DENND2A: variants seen among roughly 807,000 people sequenced by gnomAD.
DENND2A encodes the protein DENN domain containing 2A.
A neutral mutation model predicts 105.3 loss-of-function variants in DENND2A; 53 were observed. The ratio of observed to expected loss-of-function variants is 0.50; its 90% CI spans 0.40 to 0.63. DENND2A has a LOEUF of 0.63. Among genes scored for constraint, DENND2A ranks in the 30% least tolerant of loss-of-function variants. DENND2A has a pLI of 0.00. For synonymous variants in DENND2A, 522 were observed against 508.4 expected (o/e 1.03, Z -0.36); for missense variants, 1,138 against 1,279.6 (o/e 0.89, Z 1.69).
chr7:140,616,777 T>C (rs1800098952), intron 1 of DENND2A, among the ~76,000 whole-genome samples: 1 of 152,104 alleles, frequency 6.6e-6, no homozygotes, highest in Admixed American at 6.5e-5. Flanking sequence ...TGGCCTAGAG[T>C]TGAATCATGG....
rs183768953 is a variant in DENND2A at position 140,529,425 on chromosome 7, C to T, written c.2328-1930G>A. ...ATCTAGAACTAGAAATACCATTTGA[C>T]CCAGCCATCCCATTACTGGGTATAT... On this transcript the variant is annotated intron_variant, in intron 14 of 19. Transcript: ENST00000496613. 5.2e-3 allele frequency among the ~76,000 whole-genome samples: 792 copies of T among 152,274 alleles called. 10 individuals carry two copies. The highest frequency in any genetic ancestry group is 0.018 in the African/African-American group (728 of 41,562).
Position 140,613,156 on chromosome 7 carries a change from G to A in DENND2A, c.-247-7350C>T, listed in dbSNP as rs537407900. On this transcript the variant is annotated intron_variant, in intron 1 of 19. Coordinates refer to ENST00000496613, the MANE Select transcript of DENND2A (RefSeq NM_015689.5). ...TTTAGCTGAGTACAGTGATGCAAGCGTGTAGTCCCTGCTACTGGAGGAGCT... is the reference window on the plus strand; with the variant it reads ...TTTAGCTGAGTACAGTGATGCAAGCATGTAGTCCCTGCTACTGGAGGAGCT... 1.6e-4 allele frequency among the ~76,000 whole-genome samples: 24 copies of A among 151,924 alleles called. No homozygotes were observed. In the South Asian group the frequency reaches 4.6e-3, roughly 29 times the overall value.
At position 140,519,620 on chromosome 7, in the gene DENND2A, C is replaced by T; in HGVS notation, c.2998+12G>A. 2 of 1,613,282 alleles carry T rather than the reference C, an allele frequency of 1.2e-6. No homozygotes were observed. The highest frequency in any genetic ancestry group is 3.3e-5 in the Admixed American group (2 of 59,994). On this transcript the variant is annotated intron_variant, in intron 19 of 19. Transcript: ENST00000496613. ...GGCACACAGGCTGGGCACCCAGAGCCCGGGGCCTTACCTAGTCCCTTCAGG... is the reference window on the plus strand; with the variant it reads ...GGCACACAGGCTGGGCACCCAGAGCTCGGGGCCTTACCTAGTCCCTTCAGG...
chr7:140,624,575 C>T (rs187920), intron 1 of DENND2A, among the ~76,000 whole-genome samples: 16 of 152,166 alleles, frequency 1.1e-4, no homozygotes, highest in Admixed American at 6.5e-5. Context: ...GTTACCCTGT[C>T]TGGGGCTCAT....
At chr7:140,539,388 G>A (rs141328770) in intron 14 of DENND2A, among the ~76,000 whole-genome samples, 29 of 152,272 alleles carry the variant, frequency 1.9e-4, no homozygotes, top group South Asian at 6.2e-4. Flanking sequence ...TAAGGGAGGC[G>A]GGGAGGGCCC....
intron 5 of DENND2A, among the ~76,000 whole-genome samples, chr7:140,579,778 G>T (rs1798458634): frequency 6.6e-6 from 1 of 152,066 alleles, no homozygotes; most frequent in Non-Finnish European, 1.5e-5. Context: ...TGAGTGTTGG[G>T]GTTACATGCA....
intron 1 of DENND2A, among the ~76,000 whole-genome samples, chr7:140,620,594 C>T (rs76881848): frequency 1.7e-3 from 266 of 152,182 alleles, no homozygotes; most frequent in Non-Finnish European, 3.3e-3. Flanking sequence ...GGAATATAAA[C>T]GCTGCTGTTG....
chr7:140,577,132 C>A (rs921968138), intron 5 of DENND2A, among the ~76,000 whole-genome samples: 1 of 152,138 alleles, frequency 6.6e-6, no homozygotes, highest in Non-Finnish European at 1.5e-5. Context: ...GTTCAGGGAG[C>A]TTTCATGATG....
chr7:140,553,178 C>T (rs1027111949), intron 12 of DENND2A, among the ~76,000 whole-genome samples: 3 of 152,150 alleles, frequency 2.0e-5, no homozygotes, highest in African/African-American at 7.2e-5. Flanking sequence ...GTGGGCGTTT[C>T]TCCGAGAGGG....
At chr7:140,555,581 C>G in intron 12 of DENND2A, 55 bp downstream of exon 12, 1 of 1,542,622 alleles carries the variant, frequency 6.5e-7, no homozygotes, top group Non-Finnish European at 8.9e-7. Context: ...CCCTGGAGCC[C>G]TCTAGAGCCC....
intron 14 of DENND2A, among the ~76,000 whole-genome samples, chr7:140,528,160 A>G (rs1264858290): frequency 6.6e-6 from 1 of 152,042 alleles, no homozygotes; most frequent in Non-Finnish European, 1.5e-5. Flanking sequence ...GTTTTAATTT[A>G]TATTCATTTC....
At chr7:140,596,157 C>T (rs1347611993) in intron 3 of DENND2A, among the ~76,000 whole-genome samples, 3 of 152,324 alleles carry the variant, frequency 2.0e-5, no homozygotes, top group South Asian at 2.1e-4. Context: ...TAATATCCAA[C>T]GATTTCCACC....
chr7:140,554,283 G>A (rs1029735368), intron 12 of DENND2A, among the ~76,000 whole-genome samples: 28 of 152,072 alleles, frequency 1.8e-4, no homozygotes, highest in Middle Eastern at 3.2e-3. Flanking sequence ...GTAGGTGCAG[G>A]AACTTCAATT....
intron 12 of DENND2A, among the ~76,000 whole-genome samples, chr7:140,555,337 C>T (rs1405816454): frequency 6.6e-6 from 1 of 151,884 alleles, no homozygotes; most frequent in African/African-American, 2.4e-5. Context: ...TGGGCTTTCA[C>T]CATGCTGGCC....
intron 1 of DENND2A, among the ~76,000 whole-genome samples, chr7:140,620,640 C>G (rs1211283806): frequency 2.0e-5 from 3 of 152,230 alleles, no homozygotes; most frequent in Admixed American, 2.0e-4. Context: ...CGGTGCCCAG[C>G]AAGTCCCACA....
At chr7:140,568,039 C>G (rs918276432) in intron 8 of DENND2A, among the ~76,000 whole-genome samples, 3 of 152,208 alleles carry the variant, frequency 2.0e-5, no homozygotes, top group African/African-American at 7.2e-5. Flanking sequence ...CTCCCGGGTT[C>G]AAGTGATACT....
At chr7:140,573,595 G>A (rs1002243492) in intron 6 of DENND2A, among the ~76,000 whole-genome samples, 4 of 152,164 alleles carry the variant, frequency 2.6e-5, no homozygotes, top group African/African-American at 7.2e-5. Context: ...ATTGGGAGAA[G>A]AGTGGCTAAG....
intron 14 of DENND2A, among the ~76,000 whole-genome samples, chr7:140,531,442 A>G (rs568606352): frequency 6.6e-6 from 1 of 152,328 alleles, no homozygotes; most frequent in African/African-American, 2.4e-5. Context: ...ATTAAAAACA[A>G]GAACAAAAAG....
chr7:140,635,890 A>G (rs760814951), intron 1 of DENND2A, among the ~76,000 whole-genome samples: 5 of 152,228 alleles, frequency 3.3e-5, no homozygotes, highest in Non-Finnish European at 5.9e-5. Flanking sequence ...CATTGATTTT[A>G]AGGCCAGGGT....
Sources: gnomAD v4.1 joint callset for allele counts (sites outside exome capture counted in the v4.1 genomes callset) on GRCh38, gnomAD v4.1.1 for gene constraint, MANE v1.5 for transcripts, NCBI Gene and HGNC (gene_info 2026-07-23, HGNC 2026-07-21) for gene names.